YEATS2: variants seen among roughly 807,000 people sequenced by gnomAD.
YEATS2 encodes the protein YEATS domain containing 2.
In YEATS2, 77 loss-of-function variants were observed where a neutral mutation model predicts 163.2. The ratio of observed to expected loss-of-function variants is 0.47; its 90% CI spans 0.39 to 0.57. The LOEUF is 0.57. Among genes scored for constraint, YEATS2 ranks in the 20% least tolerant of loss-of-function variants. YEATS2 has a pLI of 0.00. For synonymous variants in YEATS2, 631 were observed against 645.1 expected (o/e 0.98, Z 0.33); for missense variants, 1,549 against 1,729.8 (o/e 0.90, Z 1.85).
chr3:183,716,414 T>A (rs879897515), intron 2 of YEATS2, among the ~76,000 whole-genome samples: 2 of 152,162 alleles, frequency 1.3e-5, no homozygotes, highest in African/African-American at 2.4e-5. Flanking sequence ...GTGGAAATGG[T>A]GAAGAAAATT....
chr3:183,789,222 C>G (rs1476712213), intron 20 of YEATS2, among the ~76,000 whole-genome samples: 4 of 152,160 alleles, frequency 2.6e-5, no homozygotes, highest in Admixed American at 6.5e-5. Context: ...TGGAGAGTTT[C>G]CCTAATGTTT....
chr3:183,742,117 G>A (rs960250258), intron 8 of YEATS2, among the ~76,000 whole-genome samples: 1 of 152,058 alleles, frequency 6.6e-6, no homozygotes. Flanking sequence ...GGCTGAGGTA[G>A]GAGAATCAGC....
intron 7 of YEATS2, among the ~76,000 whole-genome samples, chr3:183,734,637 T>G (rs1481666593): frequency 6.6e-6 from 1 of 152,192 alleles, no homozygotes; most frequent in Non-Finnish European, 1.5e-5. Context: ...TATCTAGAAT[T>G]AACATGCAGG....
chr3:183,804,443 A>G (rs263041), intron 27 of YEATS2, among the ~76,000 whole-genome samples: 111,707 of 152,146 alleles, frequency 0.73, 42,463 homozygotes, highest in East Asian at 0.96. Context: ...GTCCCTGCTC[A>G]GCATCATTTC....
chr3:183,754,442 T>C, intron 11 of YEATS2, 77 bp downstream of exon 11: 1 of 1,511,056 alleles, frequency 6.6e-7, no homozygotes, highest in Non-Finnish European at 8.9e-7. Context: ...AACAAAATAC[T>C]TGGCTTTTTT....
At chr3:183,700,866 AC>A (rs1714006471) in intron 1 of YEATS2, among the ~76,000 whole-genome samples, 1 of 151,530 alleles carries the variant, frequency 6.6e-6, no homozygotes, top group Non-Finnish European at 1.5e-5. Flanking sequence ...GTTTATCCAC[AC>A]AAAAAGTAGT....
rs961000806 is a variant in YEATS2 at position 183,795,006 on chromosome 3, A to T, written c.3098-2917A>T. 1.6e-4 allele frequency among the ~76,000 whole-genome samples: 6 copies of T among 36,868 alleles called. No individual in the cohort carries two copies. In the East Asian group the frequency reaches 5.3e-3, roughly 33 times the overall value. The allele number at this position is 36,868 out of a possible 152,430, so 24.2% of individuals were successfully genotyped here. On this transcript the variant is annotated intron_variant, in intron 21 of 30. Transcript: ENST00000305135. Reference sequence around the variant, plus strand: ...GCAATGTGACAAGACCCCATTTCTTAAAAAAAAAAAAAATTAGCTGGGCAT... The same window carrying T: ...GCAATGTGACAAGACCCCATTTCTTTAAAAAAAAAAAAATTAGCTGGGCAT...
intron 15 of YEATS2, among the ~76,000 whole-genome samples, chr3:183,766,280 C>T (rs941163716): frequency 2.0e-5 from 3 of 152,184 alleles, no homozygotes; most frequent in Admixed American, 1.3e-4. Flanking sequence ...TATGAAGGAC[C>T]TACCTAGCAC....
intron 7 of YEATS2, among the ~76,000 whole-genome samples, chr3:183,732,443 ACT>A (rs1717890270): frequency 6.6e-6 from 1 of 151,522 alleles, no homozygotes; most frequent in East Asian, 2.0e-4. Context: ...ACAGAGCAAG[ACT>A]CTGTCTCAAA....
intron 27 of YEATS2, among the ~76,000 whole-genome samples, chr3:183,804,525 G>A (rs1173473043): frequency 1.3e-5 from 2 of 152,152 alleles, no homozygotes; most frequent in Non-Finnish European, 2.9e-5. Context: ...GTGACCTTAG[G>A]GACACCCCCC....
chr3:183,784,848 C>T (rs536481680), intron 19 of YEATS2, among the ~76,000 whole-genome samples: 78 of 149,564 alleles, frequency 5.2e-4, no homozygotes, highest in African/African-American at 1.6e-3. Flanking sequence ...CTGAGACGGG[C>T]GGATCACCTG....
rs115857164 is a variant in YEATS2, at chr3:183,806,743, C to A, written c.3785-123C>A. ...ATTATAGATCCATAGAATGTTAGAA[C>A]TGGAAAGAAGGTCAGCTCCCCTGAT... is the stretch of plus-strand genomic sequence containing the variant. On this transcript the variant is annotated intron_variant, in intron 27 of 30. Coordinates refer to ENST00000305135, the MANE Select transcript of YEATS2 (RefSeq NM_018023.5). 3.2e-3 allele frequency: 3,008 copies of A among 928,218 alleles called. 9 individuals are homozygous for A. The highest frequency in any genetic ancestry group is 4.1e-3 in the Non-Finnish European group (2,554 of 616,332). 57.5% of individuals were successfully genotyped at this position (928,218 alleles called of 1,614,324 possible). A position where few individuals can be genotyped will look rare whatever the true frequency, so the allele number is the denominator to read the frequency against.
In YEATS2 at chr3:183,775,670, T is replaced by C. The variant is rs138478236; in HGVS notation, c.2369-245T>C. ...CACGACCACGTCAAAGTATCTTCAT[T>C]GTACTCAGAGCCGAAATACAGTCAG... On this transcript the variant is annotated intron_variant, in intron 17 of 30. Transcript: ENST00000305135. 4.6e-5 allele frequency among the ~76,000 whole-genome samples: 7 copies of C among 152,330 alleles called. No homozygotes were observed. The East Asian group carries it at 1.4e-3, about 29-fold the overall frequency.
chr3:183,808,115 G>T lies in YEATS2; in HGVS notation c.4086+11G>T. 9.7e-6 allele frequency: 15 copies of T among 1,549,630 alleles called. No homozygotes were observed. Among genetic ancestry groups the T allele is most frequent in the Non-Finnish European group, 1.3e-5 (15 of 1,145,280 alleles). ...GACATGATCCTGAAGGTGGGTGCCTGCAGGGGCCGCCAGCCAGGAAGGATG... is the reference window on the plus strand; with the variant it reads ...GACATGATCCTGAAGGTGGGTGCCTTCAGGGGCCGCCAGCCAGGAAGGATG... On this transcript the variant is annotated intron_variant, in intron 29 of 30. Transcript: ENST00000305135.
intron 7 of YEATS2, among the ~76,000 whole-genome samples, chr3:183,734,708 G>T (rs1220476604): frequency 6.6e-6 from 1 of 152,212 alleles, no homozygotes; most frequent in Non-Finnish European, 1.5e-5. Context: ...GTCTCATGCA[G>T]TGGTGAGTTC....
chr3:183,717,936 G>A (rs1051063587), intron 3 of YEATS2, among the ~76,000 whole-genome samples, 188 bp downstream of exon 3: 4 of 148,888 alleles, frequency 2.7e-5, no homozygotes, highest in Admixed American at 6.8e-5. Flanking sequence ...TGCAATTGCA[G>A]AAAGGATTGA....
chr3:183,806,486 A>G (rs1169313987), intron 27 of YEATS2: 5 of 438,774 alleles, frequency 1.1e-5, no homozygotes, highest in African/African-American at 2.0e-5. Flanking sequence ...AGCAGTGAGA[A>G]TAGGGGTGAT....
intron 15 of YEATS2, among the ~76,000 whole-genome samples, chr3:183,766,759 C>T (rs928277628): frequency 6.6e-6 from 1 of 152,134 alleles, no homozygotes; most frequent in African/African-American, 2.4e-5. Context: ...GTCTCAGCCT[C>T]CCTGGGCTCC....
chr3:183,775,406 T>A (rs1722881248), intron 17 of YEATS2, among the ~76,000 whole-genome samples: 1 of 152,028 alleles, frequency 6.6e-6, no homozygotes, highest in South Asian at 2.1e-4. Context: ...GACCATCCTG[T>A]CCAACATGGT....
Sources: gnomAD v4.1 joint callset for allele counts (sites outside exome capture counted in the v4.1 genomes callset) on GRCh38, gnomAD v4.1.1 for gene constraint, MANE v1.5 for transcripts, NCBI Gene and HGNC (gene_info 2026-07-23, HGNC 2026-07-21) for gene names.